ERCC6L2: variants seen among roughly 807,000 people sequenced by gnomAD.
The protein encoded by ERCC6L2 is DNA excision repair protein ERCC-6-like 2.
Under a neutral mutation model 132.0 loss-of-function variants are expected in ERCC6L2, and 77 were observed. That is an observed-to-expected ratio of 0.58 (90% CI 0.49 to 0.71). ERCC6L2 has a LOEUF of 0.71. ERCC6L2 is among the 30% of genes least tolerant of loss of function. The pLI, the probability that ERCC6L2 is intolerant of heterozygous loss-of-function variation, is 0.00. For missense variants in ERCC6L2, 1,542 were observed against 1,837.6 expected (o/e 0.84, Z 2.94); for synonymous variants, 583 against 632.4 (o/e 0.92, Z 1.17).
chr9:95,891,787 G>A (rs1321222426), intron 2 of ERCC6L2, among the ~76,000 whole-genome samples: 1 of 152,056 alleles, frequency 6.6e-6, no homozygotes, highest in African/African-American at 2.4e-5. Context: ...TTGCATTTCT[G>A]TAATGGCCAA....
At chr9:96,004,885 G>T in intron 18 of ERCC6L2, 184 bp downstream of exon 18, 1 of 348,918 alleles carries the variant, frequency 2.9e-6, no homozygotes. Context: ...TCCCTGAATT[G>T]ATTACCATAA....
chr9:95,915,558 A>G, intron 4 of ERCC6L2, 110 bp from the exon 5 acceptor site: 1 of 1,186,972 alleles, frequency 8.4e-7, no homozygotes, highest in African/African-American at 1.5e-5. Context: ...CAAAGAGTAA[A>G]AAGGAAAAAA....
intron 17 of ERCC6L2, among the ~76,000 whole-genome samples, chr9:95,985,261 C>T (rs1406283177): frequency 6.6e-6 from 1 of 152,210 alleles, no homozygotes; most frequent in African/African-American, 2.4e-5. Context: ...ATGGGACACT[C>T]TCATATACTC....
At chr9:96,022,806 A>T (rs2133252560), downstream of ERCC6L2, among the ~76,000 whole-genome samples, 1 of 152,176 alleles carries the variant, frequency 6.6e-6, no homozygotes, top group Admixed American at 6.5e-5. Context: ...AGCAGTCTCC[A>T]CACTTGGCTC....
chr9:96,004,523 T>C lies in ERCC6L2; in HGVS notation c.3496T>C (p.Tyr1166His), dbSNP rs1362567757. 7.7e-7 allele frequency: 1 copy of C among 1,300,856 alleles called. No individual in the cohort carries two copies. Among genetic ancestry groups the C allele is most frequent in the Non-Finnish European group, 1.0e-6 (1 of 987,324 alleles). 80.6% of individuals were successfully genotyped at this position (1,300,856 alleles called of 1,614,324 possible). A position where few individuals can be genotyped will look rare whatever the true frequency, so the allele number is the denominator to read the frequency against. The stretch of plus-strand genomic sequence containing the variant: ...TTGTTTCCTTTCTTTTTTTCAGACA[T>C]ATAAAGAAAAAGTGGATGCAGATAC... ...ANIAVCSSKT[Y>H]KEKVDADTLP... Residue 1166 changes from tyrosine to histidine, a missense_variant, in exon 18 of 19, where the codon TAT becomes CAT. Around this residue, in one of 4 missense-constraint regions of ERCC6L2, gnomAD observed 442 missense variants for 583.4 expected, o/e 0.76. Coordinates refer to ENST00000653738, the MANE Select transcript of ERCC6L2 (RefSeq NM_020207.7).
chr9:95,971,118 C>T (rs1832391285), intron 15 of ERCC6L2, among the ~76,000 whole-genome samples: 1 of 152,040 alleles, frequency 6.6e-6, no homozygotes, highest in Non-Finnish European at 1.5e-5. Context: ...TTTATTTCAT[C>T]ATAAGGCCAT....
intron 19 of ERCC6L2, among the ~76,000 whole-genome samples, chr9:96,026,174 C>G (rs1350513880): frequency 6.6e-6 from 1 of 152,190 alleles, no homozygotes; most frequent in Non-Finnish European, 1.5e-5. Context: ...CAGGCAGGTC[C>G]TGGGAGTGCA....
At chr9:95,945,544 A>C (rs1831019900) in intron 12 of ERCC6L2, among the ~76,000 whole-genome samples, 1 of 152,236 alleles carries the variant, frequency 6.6e-6, no homozygotes, top group African/African-American at 2.4e-5. Flanking sequence ...TGACTGGGGA[A>C]GTGATAAGTG....
chr9:95,941,603 AC>A, intron 12 of ERCC6L2, 54 bp downstream of exon 12: 1 of 1,311,688 alleles, frequency 7.6e-7, no homozygotes, highest in Non-Finnish European at 1.1e-6. Flanking sequence ...ATCTAAAAAT[AC>A]TCTTGAACTT....
At chr9:95,908,096 G>A (rs1829166411) in intron 4 of ERCC6L2, among the ~76,000 whole-genome samples, 1 of 152,100 alleles carries the variant, frequency 6.6e-6, no homozygotes, top group Admixed American at 6.5e-5. Context: ...TGCAGATAAA[G>A]GAGAGCCAAG....
intron 11 of ERCC6L2, among the ~76,000 whole-genome samples, chr9:95,933,133 T>G (rs1830412335): frequency 6.6e-6 from 1 of 152,226 alleles, no homozygotes. Context: ...GTGGCTCATA[T>G]ATGGCATCTG....
Position 95,928,511 on chromosome 9 carries a change from C to T in ERCC6L2, c.1606-208C>T, listed in dbSNP as rs112483582. ...AAAATGAAAAGATTGATTTTTAAAA[C>T]AAGTTCTGAATGTTAAAGCCATAAT... On this transcript the variant is annotated intron_variant, in intron 10 of 18. Coordinates refer to ENST00000653738, the MANE Select transcript of ERCC6L2 (RefSeq NM_020207.7). 7.6e-3 allele frequency among the ~76,000 whole-genome samples: 1,154 copies of T among 152,138 alleles called. 23 individuals are homozygous for T. The highest frequency in any genetic ancestry group is 0.027 in the African/African-American group (1,121 of 41,498).
chr9:95,901,428 G>C (rs1427098289), intron 3 of ERCC6L2, among the ~76,000 whole-genome samples: 1 of 152,160 alleles, frequency 6.6e-6, no homozygotes, highest in Non-Finnish European at 1.5e-5. Flanking sequence ...ACTGATGCTA[G>C]AATCAGTTTC....
chr9:95,880,900 C>T lies in ERCC6L2; in HGVS notation c.78C>T (p.Ala26=), dbSNP rs1340822707. Residue 26 remains alanine (A), a synonymous_variant, in exon 2 of 19, where the codon GCC becomes GCT. Transcript: ENST00000653738. ...GGCATCCAGGAGAAAGATGTCTTGC[C>T]CCTTCTCCAGATAATGGAAAACTTT... The part of the protein sequence containing the change: ...DIWHPGERCL[A]PSPDNGKLCE... 1.2e-5 allele frequency: 19 copies of T among 1,612,320 alleles called. No homozygotes were observed. Among genetic ancestry groups the T allele is most frequent in the Non-Finnish European group, 1.2e-5 (14 of 1,179,142 alleles).
intron 2 of ERCC6L2, among the ~76,000 whole-genome samples, chr9:95,885,594 A>G (rs79954163): frequency 0.024 from 3,592 of 149,812 alleles, 64 homozygotes; most frequent in South Asian, 0.047. Flanking sequence ...TTTACGTGAT[A>G]ATTAGCTAGT....
intron 17 of ERCC6L2, 74 bp downstream of exon 17, chr9:95,978,289 T>C: frequency 1.0e-6 from 1 of 985,168 alleles, no homozygotes; most frequent in Non-Finnish European, 1.3e-6. Flanking sequence ...GGATCTTCTC[T>C]AAGTACTCCC....
chr9:95,939,136 A>G (rs1830686522), intron 11 of ERCC6L2, among the ~76,000 whole-genome samples: 2 of 152,192 alleles, frequency 1.3e-5, no homozygotes, highest in African/African-American at 4.8e-5. Context: ...CCTAAGCAGC[A>G]TATCAGATTG....
chr9:95,976,359 T>G (rs989306191), intron 16 of ERCC6L2, among the ~76,000 whole-genome samples: 1 of 152,140 alleles, frequency 6.6e-6, no homozygotes, highest in Non-Finnish European at 1.5e-5. Context: ...GGAGTTCTAG[T>G]GGTTGGCCTG....
At chr9:95,945,202 C>G (rs189654922) in intron 12 of ERCC6L2, among the ~76,000 whole-genome samples, 118 of 150,642 alleles carry the variant, frequency 7.8e-4, no homozygotes, top group African/African-American at 2.7e-3. Context: ...GATGCATTCT[C>G]TTTCTCAGGG....
Sources: allele counts gnomAD v4.1 joint callset (sites outside exome capture counted in the v4.1 genomes callset), GRCh38; gene constraint gnomAD v4.1.1; regional missense constraint gnomAD v4.1.1; transcripts MANE v1.5; gene names NCBI Gene and HGNC (gene_info 2026-07-23, HGNC 2026-07-21).